The following ADGRL4 variants were observed in gnomAD, a reference collection of about 807,000 sequenced individuals.
The protein encoded by ADGRL4 is adhesion G protein-coupled receptor L4, also known as EGF, latrophilin and seven transmembrane domain containing 1.
ADGRL4 carries 90 observed loss-of-function variants against 74.8 expected under a neutral mutation model. That is an observed-to-expected ratio of 1.20 (90% CI 1.02 to 1.43). ADGRL4 has a LOEUF of 1.43. ADGRL4 is among the 40% of genes most tolerant of loss of function. The probability of loss-of-function intolerance (pLI) is 0.00; values close to 1 mark genes in which losing one functional copy is unlikely to be tolerated. For synonymous variants in ADGRL4, 311 were observed against 279.2 expected, an observed-to-expected ratio of 1.11 and a Z score of -1.14; for missense variants, 881 against 814.3, an observed-to-expected ratio of 1.08 and a Z score of -1.00.
intron 13 of ADGRL4, among the ~76,000 whole-genome samples, chr1:78,892,393 G>A (rs1648300107): frequency 6.6e-6 from 1 of 152,060 alleles, no homozygotes; most frequent in Non-Finnish European, 1.5e-5. Flanking sequence ...CATTGCCTTG[G>A]AAATGAAGCA....
At chr1:78,900,277 C>A (rs1233699408) in intron 12 of ADGRL4, among the ~76,000 whole-genome samples, 1 of 151,996 alleles carries the variant, frequency 6.6e-6, no homozygotes, top group South Asian at 2.1e-4. Context: ...TGAATTCTTC[C>A]GCAGTCCCTC....
intron 2 of ADGRL4, among the ~76,000 whole-genome samples, chr1:78,975,880 A>G (rs1462943125): frequency 6.6e-6 from 1 of 151,958 alleles, no homozygotes; most frequent in Non-Finnish European, 1.5e-5. Flanking sequence ...AACAGAAACA[A>G]ACATCATTAG....
intron 3 of ADGRL4, among the ~76,000 whole-genome samples, chr1:78,945,177 A>AAAATATATATAT (rs376405445): frequency 2.3e-5 from 3 of 127,936 alleles, no homozygotes; most frequent in African/African-American, 8.8e-5. Flanking sequence ...AAAAAAAAAA[A>AAAATATATATAT]ATATATATAT....
chr1:79,005,030 C>T (rs1430826594), intron 2 of ADGRL4, 40 bp downstream of exon 2: 1 of 1,566,446 alleles, frequency 6.4e-7, no homozygotes, highest in Non-Finnish European at 8.7e-7. Context: ...AGAATTTAAT[C>T]TTACAGTATA....
chr1:78,946,412 C>T lies in ADGRL4; in HGVS notation c.187G>A (p.Gly63Arg), dbSNP rs950653704. ...VTICEDDNEC[G>R]NLTQSCGENA... ...TCGCCACAGGACTGAGTTAAATTTC[C>T]ACATTCATTATCATCTGTTGGCATA... The change falls in exon 3 of 15, where the codon GGA (glycine) becomes AGA (arginine). Residue 63 changes from glycine to arginine, a missense_variant. Coordinates refer to ENST00000370742, the MANE Select transcript of ADGRL4 (RefSeq NM_022159.4). The T allele has an allele frequency of 2.3e-5, 37 of 1,608,872 alleles. No homozygotes were observed. Among genetic ancestry groups the T allele is most frequent in the Non-Finnish European group, 3.1e-5 (37 of 1,177,886 alleles).
At chr1:78,998,946 T>G (rs1327457875) in intron 2 of ADGRL4, among the ~76,000 whole-genome samples, 1 of 152,172 alleles carries the variant, frequency 6.6e-6, no homozygotes. Context: ...TCATGTGAAG[T>G]GCTTAGAATA....
At chr1:78,979,743 T>C (rs1252666656) in intron 2 of ADGRL4, among the ~76,000 whole-genome samples, 1 of 151,942 alleles carries the variant, frequency 6.6e-6, no homozygotes, top group Non-Finnish European at 1.5e-5. Context: ...AATAATGTCT[T>C]TTGCAGTGAC....
At position 78,929,888 on chromosome 1, in the gene ADGRL4, A is replaced by G. The variant is rs146881951; in HGVS notation, c.878-2797T>C. 2.0e-3 allele frequency among the ~76,000 whole-genome samples: 305 copies of G among 151,558 alleles called. 12 individuals are homozygous for G. The highest frequency in any genetic ancestry group is 4.6e-3 in the African/African-American group (188 of 40,892). On this transcript the variant is annotated intron_variant, in intron 7 of 14. Transcript: ENST00000370742. ...TCTGTCACTATAATCGGTATTTTCA[A>G]TGTCTTTTTTCCAACTTCCAAACAG... is the stretch of plus-strand genomic sequence containing the variant.
At chr1:78,923,860 C>T (rs961329457) in intron 8 of ADGRL4, among the ~76,000 whole-genome samples, 3 of 151,364 alleles carry the variant, frequency 2.0e-5, no homozygotes, top group Non-Finnish European at 4.4e-5. Context: ...CTCATAAATA[C>T]TAAGAGGAAC....
At chr1:78,938,995 T>A (rs1649417995) in intron 4 of ADGRL4, among the ~76,000 whole-genome samples, 193 bp downstream of exon 4, 1 of 152,050 alleles carries the variant, frequency 6.6e-6, no homozygotes, top group Non-Finnish European at 1.5e-5. Flanking sequence ...AAAGGCCTCT[T>A]GAATAATTTG....
At chr1:78,945,659 C>T (rs1381529425) in intron 3 of ADGRL4, among the ~76,000 whole-genome samples, 1 of 152,056 alleles carries the variant, frequency 6.6e-6, no homozygotes, top group Non-Finnish European at 1.5e-5. Flanking sequence ...TCCCTTCAGA[C>T]ACACAATAAG....
intron 2 of ADGRL4, 31 bp downstream of exon 2, chr1:79,005,039 T>C (rs1219438002): frequency 1.9e-6 from 3 of 1,598,660 alleles, no homozygotes; most frequent in Non-Finnish European, 2.6e-6. Context: ...TCTTACAGTA[T>C]AATCCAAAAG....
intron 2 of ADGRL4, among the ~76,000 whole-genome samples, chr1:78,993,891 A>G (rs772366359): frequency 2.6e-5 from 4 of 152,126 alleles, no homozygotes; most frequent in Non-Finnish European, 4.4e-5. Context: ...CATTTTTCTA[A>G]GTGCCAGTGA....
chr1:78,910,990 C>T (rs578081084), intron 12 of ADGRL4, among the ~76,000 whole-genome samples: 10 of 151,850 alleles, frequency 6.6e-5, no homozygotes, highest in African/African-American at 1.4e-4. Context: ...CTTATCTGAA[C>T]GGATTAAAAG....
rs1296321948 is a variant in ADGRL4, at chr1:78,893,134, C to T, written c.1805G>A (p.Gly602Glu). 1.9e-6 allele frequency: 3 copies of T among 1,602,850 alleles called. No homozygotes were observed. Among genetic ancestry groups the T allele is most frequent in the Non-Finnish European group, 2.6e-6 (3 of 1,175,826 alleles). ...AAAGCAACTAACTTCTGGTTTCAAC[C>T]CTGCAGTGTGACGAAAAACTTTGTA... ...IIYKVFRHTA[G>E]LKPEVSCFEN... The change falls in exon 13 of 15, where the codon GGG becomes GAG. Residue 602 changes from glycine (G) to glutamate (E), a missense_variant. Physicochemically the swap from Gly to Glu is moderately conservative, Grantham distance 98. Coordinates refer to ENST00000370742, the MANE Select transcript of ADGRL4 (RefSeq NM_022159.4).
chr1:78,896,503 T>C (rs1192417273), intron 12 of ADGRL4, among the ~76,000 whole-genome samples: 1 of 152,126 alleles, frequency 6.6e-6, no homozygotes, highest in Non-Finnish European at 1.5e-5. Flanking sequence ...GTTATCTTAC[T>C]CTTCTAAGTT....
chr1:78,945,678 C>T (rs1453959137), intron 3 of ADGRL4, among the ~76,000 whole-genome samples: 3 of 151,982 alleles, frequency 2.0e-5, no homozygotes, highest in Non-Finnish European at 4.4e-5. Context: ...AGTGAACAAT[C>T]ACTTAAAAAT....
chr1:78,953,973 C>T (rs935735619), intron 2 of ADGRL4, among the ~76,000 whole-genome samples: 2 of 152,110 alleles, frequency 1.3e-5, no homozygotes, highest in Admixed American at 1.3e-4. Flanking sequence ...CATGGTGAAA[C>T]CTCGTCTCTA....
chr1:79,004,689 G>T (rs968281747), intron 2 of ADGRL4, among the ~76,000 whole-genome samples: 1 of 151,970 alleles, frequency 6.6e-6, no homozygotes, highest in African/African-American at 2.4e-5. Context: ...TACCATATAG[G>T]TATAAAAATA....
Sources: gnomAD v4.1 joint callset for allele counts (sites outside exome capture counted in the v4.1 genomes callset) on GRCh38, gnomAD v4.1.1 for gene constraint, MANE v1.5 for transcripts, NCBI Gene and HGNC (gene_info 2026-07-23, HGNC 2026-07-21) for gene names.